TCF12: variants seen among roughly 807,000 people sequenced by gnomAD.
The protein encoded by TCF12 is DNA-binding protein HTF4.
Under a neutral mutation model 86.0 loss-of-function variants are expected in TCF12, and 45 were observed. That is an observed-to-expected ratio of 0.52 (90% confidence interval 0.41 to 0.67). The LOEUF (loss-of-function observed/expected upper bound fraction) is 0.67. TCF12 is among the 30% of genes least tolerant of loss of function. The probability of loss-of-function intolerance (pLI) is 0.00; values close to 1 mark genes in which losing one functional copy is unlikely to be tolerated. For missense variants in TCF12, 881 were observed against 859.9 expected, an observed-to-expected ratio of 1.02 and a Z score of -0.31; for synonymous variants, 330 against 299.6, an observed-to-expected ratio of 1.10 and a Z score of -1.05.
Position 57,208,379 on chromosome 15 carries a change from C to CCTTTT in TCF12, c.579+10555_579+10559dup, listed in dbSNP as rs2057943269. On this transcript the variant is annotated intron_variant, in intron 8 of 20. Transcript: ENST00000333725. ...AACCTTGTTCTTTGGACAAAAATAT[C>CCTTTT]CTTTTTTTTTTTTTTTTTTTGGAGA... Among the ~76,000 whole-genome samples the CCTTTT allele has an allele frequency of 3.3e-4, 6 of 18,286 alleles. 1 individual carries two copies. The highest frequency in any genetic ancestry group is 5.8e-4 in the Non-Finnish European group (6 of 10,328). 12.0% of individuals were successfully genotyped at this position (18,286 alleles called of 152,430 possible). A position where few individuals can be genotyped will look rare whatever the true frequency, so the allele number is the denominator to read the frequency against.
intron 5 of TCF12, among the ~76,000 whole-genome samples, chr15:57,101,004 A>AC (rs2049703797): frequency 6.6e-6 from 1 of 152,064 alleles, no homozygotes; most frequent in African/African-American, 2.4e-5. Flanking sequence ...GCCCCATAAA[A>AC]CAATTGATTA....
At chr15:57,108,330 A>AC (rs1260929839) in intron 5 of TCF12, among the ~76,000 whole-genome samples, 8 of 152,046 alleles carry the variant, frequency 5.3e-5, no homozygotes, top group Non-Finnish European at 1.0e-4. Flanking sequence ...TTCTCCCCGT[A>AC]CCCCCAACCC....
intron 10 of TCF12, 66 bp from the exon 11 acceptor site, chr15:57,232,646 G>C: frequency 1.3e-6 from 2 of 1,529,928 alleles, no homozygotes; most frequent in Non-Finnish European, 1.8e-6. Context: ...TGTTATCATA[G>C]TTGTCCATTT....
At chr15:57,216,563 TAAAAAAAA>T (rs5812872) in intron 8 of TCF12, among the ~76,000 whole-genome samples, 1 of 129,076 alleles carries the variant, frequency 7.7e-6, no homozygotes, top group Admixed American at 7.9e-5. Context: ...CATGTTCCTT[TAAAAAAAA>T]AAAAAAAAAA....
chr15:57,086,215 A>G (rs2703590), intron 4 of TCF12, among the ~76,000 whole-genome samples: 1,336 of 128,976 alleles, frequency 0.01, 8 homozygotes, highest in Non-Finnish European at 0.014. Flanking sequence ...TGATGATGAT[A>G]ATAATAATAA....
chr15:57,221,383 G>GGGTGT (rs1555399492), intron 8 of TCF12, among the ~76,000 whole-genome samples: 1,660 of 148,728 alleles, frequency 0.011, 26 homozygotes, highest in African/African-American at 0.038. Flanking sequence ...ATGTGTGTGG[G>GGGTGT]GTGTGTGTGT....
chr15:57,163,553 G>A (rs1486045944), intron 5 of TCF12, among the ~76,000 whole-genome samples: 1 of 151,902 alleles, frequency 6.6e-6, no homozygotes, highest in Non-Finnish European at 1.5e-5. Context: ...TGAAATTTTA[G>A]AAAATTAGGC....
chr15:57,209,578 T>G (rs569328021), intron 8 of TCF12, among the ~76,000 whole-genome samples: 3 of 152,226 alleles, frequency 2.0e-5, no homozygotes, highest in Non-Finnish European at 4.4e-5. Flanking sequence ...TGGTCACCTG[T>G]GTAGCTATCA....
chr15:56,981,491 A>G (rs988297470), intron 3 of TCF12, among the ~76,000 whole-genome samples: 13 of 152,196 alleles, frequency 8.5e-5, no homozygotes, highest in Non-Finnish European at 1.0e-4. Context: ...AGACATAAAC[A>G]TCTCCTGTTA....
chr15:57,101,763 A>G (rs1265340471), intron 5 of TCF12, among the ~76,000 whole-genome samples: 1 of 152,136 alleles, frequency 6.6e-6, no homozygotes, highest in Non-Finnish European at 1.5e-5. Flanking sequence ...GTTTGAGTAT[A>G]CCTCTGGAGG....
At chr15:57,080,868 C>G (rs2070579678) in intron 4 of TCF12, among the ~76,000 whole-genome samples, 1 of 152,162 alleles carries the variant, frequency 6.6e-6, no homozygotes, top group African/African-American at 2.4e-5. Flanking sequence ...AAATTTGCCT[C>G]TAGGTTTTTT....
At chr15:56,959,678 T>C (rs2061657770) in intron 3 of TCF12, among the ~76,000 whole-genome samples, 1 of 152,228 alleles carries the variant, frequency 6.6e-6, no homozygotes, top group African/African-American at 2.4e-5. Flanking sequence ...TATTGAAGTT[T>C]CTTGTTTTGA....
At chr15:57,009,399 C>G (rs1005358428) in intron 3 of TCF12, among the ~76,000 whole-genome samples, 8 of 152,160 alleles carry the variant, frequency 5.3e-5, no homozygotes, top group African/African-American at 1.4e-4. Flanking sequence ...GTATGAACCA[C>G]TGTGTGTGGC....
chr15:56,973,723 G>A (rs1187447679), intron 3 of TCF12, among the ~76,000 whole-genome samples: 3 of 152,116 alleles, frequency 2.0e-5, no homozygotes, highest in African/African-American at 7.2e-5. Context: ...TGCCTCACAA[G>A]ATACTATTTC....
intron 3 of TCF12, among the ~76,000 whole-genome samples, chr15:57,010,066 A>C (rs1039384471): frequency 3.3e-5 from 5 of 152,124 alleles, no homozygotes; most frequent in Admixed American, 3.3e-4. Flanking sequence ...TTTATGAGCA[A>C]GTTCTGACTC....
intron 12 of TCF12, among the ~76,000 whole-genome samples, chr15:57,241,829 C>T (rs2059642732): frequency 6.6e-6 from 1 of 152,048 alleles, no homozygotes; most frequent in African/African-American, 2.4e-5. Context: ...CTTTTCTCTA[C>T]TAAAAATACA....
At chr15:57,170,722 T>A (rs58563629) in intron 6 of TCF12, among the ~76,000 whole-genome samples, 13,910 of 24,660 alleles carry the variant, frequency 0.56, 2,600 homozygotes, top group African/African-American at 0.63. Flanking sequence ...AATATATATA[T>A]TATATATTAT....
At chr15:56,988,914 T>C (rs572446537) in intron 3 of TCF12, among the ~76,000 whole-genome samples, 1 of 152,256 alleles carries the variant, frequency 6.6e-6, no homozygotes, top group African/African-American at 2.4e-5. Flanking sequence ...TATAACTCAA[T>C]AGCTAAATTT....
In TCF12 at chr15:57,289,684, T is replaced by A. The variant is rs2062042178; in HGVS notation, c.*3539T>A. 1 of 152,136 alleles carries A rather than the reference T, an allele frequency of 6.6e-6. No individual in the cohort carries two copies. Among genetic ancestry groups the A allele is most frequent in the South Asian group, 2.1e-4 (1 of 4,830 alleles). 9.4% of individuals were successfully genotyped at this position (152,136 alleles called of 1,614,324 possible). On this transcript the variant is annotated 3_prime_UTR_variant, in exon 21 of 21. Transcript: ENST00000333725. ...GGCATTAAATAGTCCTCGATTCAAA[T>A]CTAAGCTCAACATCTGATTAACTTC...
Sources: allele counts gnomAD v4.1 joint callset (sites outside exome capture counted in the v4.1 genomes callset), GRCh38; gene constraint gnomAD v4.1.1; transcripts MANE v1.5; gene names NCBI Gene and HGNC (gene_info 2026-07-23, HGNC 2026-07-21).